The following GRM1 variants were observed in gnomAD, a reference collection of about 807,000 sequenced individuals.
GRM1 encodes the protein metabotropic glutamate receptor 1.
GRM1 carries 33 observed loss-of-function variants against 90.9 expected under a neutral mutation model. The observed-to-expected ratio is 0.36, with a 90% CI of 0.28 to 0.49. The LOEUF is 0.49. Ranked by LOEUF, GRM1 falls within the 20% of genes least tolerant of loss-of-function variation. The probability of loss-of-function intolerance (pLI) is 0.99; values close to 1 mark genes in which losing one functional copy is unlikely to be tolerated. For missense variants in GRM1, 1,190 were observed against 1,534.3 expected (o/e 0.78, Z 3.75); for synonymous variants, 700 against 613.2 (o/e 1.14, Z -2.09).
intron 1 of GRM1, among the ~76,000 whole-genome samples, chr6:146,060,702 A>G (rs897440318): frequency 2.0e-5 from 3 of 152,144 alleles, no homozygotes; most frequent in Admixed American, 6.6e-5. Context: ...ATAGAACTGT[A>G]ATAAACATAT....
At chr6:146,432,782 C>T (rs745552120) in intron 7 of GRM1, among the ~76,000 whole-genome samples, 3 of 152,166 alleles carry the variant, frequency 2.0e-5, no homozygotes, top group African/African-American at 7.2e-5. Context: ...AGAAAAGAAG[C>T]TGAGTCCAGA....
chr6:146,215,607 C>G (rs946380297), intron 2 of GRM1, among the ~76,000 whole-genome samples: 1 of 151,672 alleles, frequency 6.6e-6, no homozygotes, highest in Non-Finnish European at 1.5e-5. Flanking sequence ...AATAATATTT[C>G]TGATATTTTA....
intron 1 of GRM1, among the ~76,000 whole-genome samples, chr6:146,065,677 C>T (rs773165654): frequency 1.3e-5 from 2 of 152,130 alleles, no homozygotes; most frequent in Non-Finnish European, 2.9e-5. Flanking sequence ...GGGTAGACCC[C>T]TCCTGATCCA....
intron 2 of GRM1, among the ~76,000 whole-genome samples, chr6:146,233,895 T>C (rs968751386): frequency 1.3e-4 from 20 of 152,076 alleles, no homozygotes; most frequent in Non-Finnish European, 2.5e-4. Context: ...GAAAAGAGGG[T>C]TGAAGAATTC....
intron 3 of GRM1, among the ~76,000 whole-genome samples, chr6:146,335,052 A>G (rs1784721928): frequency 2.0e-5 from 3 of 152,200 alleles, no homozygotes; most frequent in South Asian, 4.1e-4. Flanking sequence ...ATGACTGTCC[A>G]GTTGCAGGTG....
At chr6:146,394,895 T>G (rs1206904489) in intron 6 of GRM1, among the ~76,000 whole-genome samples, 1 of 152,144 alleles carries the variant, frequency 6.6e-6, no homozygotes, top group Non-Finnish European at 1.5e-5. Context: ...CAATGTCCCA[T>G]ACATTTTTTT....
chr6:146,088,702 A>C (rs1460525345), intron 1 of GRM1, among the ~76,000 whole-genome samples: 3 of 152,112 alleles, frequency 2.0e-5, no homozygotes, highest in Non-Finnish European at 4.4e-5. Flanking sequence ...ATCAAGATGC[A>C]TTTACCATAA....
chr6:146,150,670 A>G (rs1004274313), intron 1 of GRM1, among the ~76,000 whole-genome samples: 1 of 152,062 alleles, frequency 6.6e-6, no homozygotes, highest in African/African-American at 2.4e-5. Flanking sequence ...ATCTAGCTGT[A>G]TTTTTGTATT....
At chr6:146,397,010 A>C (rs1776963466) in intron 6 of GRM1, among the ~76,000 whole-genome samples, 1 of 152,056 alleles carries the variant, frequency 6.6e-6, no homozygotes, top group Non-Finnish European at 1.5e-5. Flanking sequence ...ATTGAGAATG[A>C]CTCTCATGCT....
At chr6:146,213,991 C>T (rs889740509) in intron 2 of GRM1, among the ~76,000 whole-genome samples, 3 of 151,964 alleles carry the variant, frequency 2.0e-5, no homozygotes, top group Non-Finnish European at 2.9e-5. Context: ...ATGTCTGAGG[C>T]GGTAAAAGAA....
intron 1 of GRM1, among the ~76,000 whole-genome samples, chr6:146,095,900 A>G (rs1328199519): frequency 6.6e-6 from 1 of 152,158 alleles, no homozygotes; most frequent in East Asian, 1.9e-4. Context: ...GAACATCTCC[A>G]GTGATGGTTA....
At chr6:146,294,941 A>G (rs896296231) in intron 2 of GRM1, among the ~76,000 whole-genome samples, 5 of 152,128 alleles carry the variant, frequency 3.3e-5, no homozygotes, top group African/African-American at 1.2e-4. Context: ...ACGTGTTACA[A>G]AAAAGATATC....
At chr6:146,346,952 T>C (rs1785209010) in intron 3 of GRM1, among the ~76,000 whole-genome samples, 1 of 152,144 alleles carries the variant, frequency 6.6e-6, no homozygotes, top group Admixed American at 6.5e-5. Context: ...CTTCCTTGCT[T>C]TATGAGGAGA....
chr6:146,306,850 T>C (rs1783595538), intron 3 of GRM1, among the ~76,000 whole-genome samples: 1 of 152,090 alleles, frequency 6.6e-6, no homozygotes, highest in Non-Finnish European at 1.5e-5. Context: ...ACTGGAAAGA[T>C]GGTGTCACCA....
chr6:146,207,338 T>A (rs961053292), intron 2 of GRM1, among the ~76,000 whole-genome samples: 3 of 152,166 alleles, frequency 2.0e-5, no homozygotes, highest in African/African-American at 4.8e-5. Flanking sequence ...TCTTTAATGG[T>A]CAGTAATATA....
chr6:146,252,211 A>C (rs1781312862), intron 2 of GRM1, among the ~76,000 whole-genome samples: 1 of 152,216 alleles, frequency 6.6e-6, no homozygotes. Context: ...ATATTTGTTG[A>C]CTAAATAAAC....
At chr6:146,258,548 C>T (rs527787015) in intron 2 of GRM1, among the ~76,000 whole-genome samples, 76 of 152,108 alleles carry the variant, frequency 5.0e-4, no homozygotes, top group African/African-American at 1.8e-3. Context: ...GAGATAGGCC[C>T]TTGCTCTGTT....
intron 1 of GRM1, among the ~76,000 whole-genome samples, chr6:146,103,228 A>G (rs1264053246): frequency 5.3e-5 from 8 of 152,216 alleles, no homozygotes; most frequent in Admixed American, 5.2e-4. Context: ...AGCATTATAT[A>G]TAACTTAGGA....
rs1171119443 is a variant in GRM1, at chr6:146,357,512, TG to T, written c.1434-13del. 1.1e-5 allele frequency: 18 copies of T among 1,603,188 alleles called. No individual in the cohort carries two copies. The highest frequency in any genetic ancestry group is 1.5e-5 in the Non-Finnish European group (17 of 1,170,118). Reference sequence around the variant, plus strand: ...TCTATATTCTATAAGACATGCACATTGTGCTCTTTGTAGGTATGATATCATG... The same window carrying T: ...TCTATATTCTATAAGACATGCACATTTGCTCTTTGTAGGTATGATATCATG... On this transcript the variant is annotated splice_polypyrimidine_tract_variant and intron_variant, in intron 4 of 7. Coordinates refer to ENST00000282753, the MANE Select transcript of GRM1 (RefSeq NM_001278064.2).
Sources: gnomAD v4.1 joint callset for allele counts (sites outside exome capture counted in the v4.1 genomes callset) on GRCh38, gnomAD v4.1.1 for gene constraint, MANE v1.5 for transcripts, NCBI Gene and HGNC (gene_info 2026-07-23, HGNC 2026-07-21) for gene names.